Variants in LRPPRC observed in about 807,000 individuals in gnomAD.
The protein encoded by LRPPRC is leucine-rich PPR motif-containing protein, mitochondrial.
LRPPRC carries 120 observed loss-of-function variants against 180.3 expected under a neutral mutation model. The ratio of observed to expected loss-of-function variants is 0.67; its 90% confidence interval spans 0.57 to 0.77. LRPPRC has a LOEUF of 0.77. Among genes scored for constraint, LRPPRC ranks in the 30% least tolerant of loss-of-function variants. The pLI is 0.00. For missense variants in LRPPRC, 2,012 were observed against 1,657.2 expected (o/e 1.21, Z -3.72); for synonymous variants, 723 against 600.0 (o/e 1.21, Z -3.00).
At chr2:43,919,610 A>C (rs1004973812) in intron 27 of LRPPRC, among the ~76,000 whole-genome samples, 1 of 152,202 alleles carries the variant, frequency 6.6e-6, no homozygotes, top group African/African-American at 2.4e-5. Flanking sequence ...TAGTCTTTAC[A>C]AATAGCAAAA....
chr2:43,992,144 G>T (rs1398667909), intron 1 of LRPPRC, among the ~76,000 whole-genome samples: 1 of 152,188 alleles, frequency 6.6e-6, no homozygotes, highest in African/African-American at 2.4e-5. Flanking sequence ...CAAGAAAGGA[G>T]CCAGTCAAAT....
intron 2 of LRPPRC, among the ~76,000 whole-genome samples, chr2:43,981,603 G>C (rs1394413153): frequency 6.6e-6 from 1 of 151,614 alleles, no homozygotes; most frequent in Non-Finnish European, 1.5e-5. Flanking sequence ...GTTGCAGTGA[G>C]CCGAGATCGT....
At chr2:43,932,314 C>T (rs1288129032) in intron 25 of LRPPRC, among the ~76,000 whole-genome samples, 1 of 151,878 alleles carries the variant, frequency 6.6e-6, no homozygotes, top group African/African-American at 2.4e-5. Flanking sequence ...TAATTATTTC[C>T]ACAACGCTTC....
At chr2:43,968,119 A>G (rs1673640008) in intron 11 of LRPPRC, among the ~76,000 whole-genome samples, 1 of 151,666 alleles carries the variant, frequency 6.6e-6, no homozygotes, top group African/African-American at 2.4e-5. Context: ...AAGGCTTTGG[A>G]CTTTAAAGAC....
chr2:43,973,479 A>G (rs1673907928), intron 11 of LRPPRC, 128 bp downstream of exon 11: 7 of 722,796 alleles, frequency 9.7e-6, no homozygotes, highest in Non-Finnish European at 1.8e-5. Flanking sequence ...TGATGACTTA[A>G]AACAATTCCA....
chr2:43,916,524 T>C (rs549357733), intron 29 of LRPPRC, among the ~76,000 whole-genome samples: 2 of 152,350 alleles, frequency 1.3e-5, no homozygotes, highest in African/African-American at 4.8e-5. Flanking sequence ...TAGTAATTAA[T>C]GCCTTAATCA....
intron 23 of LRPPRC, 95 bp downstream of exon 23, chr2:43,943,591 TC>T (rs1383002965): frequency 2.0e-6 from 2 of 1,015,830 alleles, no homozygotes; most frequent in African/African-American, 3.2e-5. Flanking sequence ...CTCCAAGGCT[TC>T]CCCATCATGA....
At chr2:43,984,984 GTT>G (rs1267330666) in intron 1 of LRPPRC, among the ~76,000 whole-genome samples, 1 of 148,868 alleles carries the variant, frequency 6.7e-6, no homozygotes, top group Non-Finnish European at 1.5e-5. Context: ...TTATCTCTCA[GTT>G]TTTTTAAAAA....
chr2:43,948,761 T>A (rs988631377), intron 16 of LRPPRC, among the ~76,000 whole-genome samples: 3 of 152,122 alleles, frequency 2.0e-5, no homozygotes, highest in Non-Finnish European at 4.4e-5. Context: ...GAATCTTACT[T>A]CAATCTATTT....
chr2:43,920,057 T>G (rs1267026497), intron 27 of LRPPRC, among the ~76,000 whole-genome samples: 1 of 147,574 alleles, frequency 6.8e-6, no homozygotes, highest in Non-Finnish European at 1.5e-5. Flanking sequence ...GCATACTCAT[T>G]CTTCATGGGA....
intron 25 of LRPPRC, among the ~76,000 whole-genome samples, chr2:43,932,956 C>A (rs372816409): frequency 2.4e-4 from 36 of 152,328 alleles, no homozygotes; most frequent in African/African-American, 6.0e-4. Context: ...TGATCAGTGA[C>A]CTGCTAATAC....
At chr2:43,942,789 C>G (rs1270428444) in intron 23 of LRPPRC, among the ~76,000 whole-genome samples, 1 of 152,234 alleles carries the variant, frequency 6.6e-6, no homozygotes, top group East Asian at 1.9e-4. Context: ...GCGTTTCAGT[C>G]AAATTCAGCT....
Position 43,960,529 on chromosome 2 carries a change from T to G in LRPPRC, c.1582+12A>C, listed in dbSNP as rs371686948. On this transcript the variant is annotated intron_variant, in intron 13 of 37. Transcript: ENST00000260665. Reference sequence around the variant, plus strand: ...ACATCTATCAAGTTTACCGCTAATGTTGTATACTTACAAAATGATAATACA... The same window carrying G: ...ACATCTATCAAGTTTACCGCTAATGGTGTATACTTACAAAATGATAATACA... 1.1e-5 allele frequency: 15 copies of G among 1,387,164 alleles called. No homozygotes were observed. Among genetic ancestry groups the G allele is most frequent in the Non-Finnish European group, 1.4e-5 (14 of 975,046 alleles). The allele number at this position is 1,387,164 out of a possible 1,614,324, so 85.9% of individuals were successfully genotyped here.
rs1366723457 is a variant in LRPPRC, at chr2:43,901,342, T to C, written c.3547A>G (p.Ile1183Val). 8 of 1,613,766 alleles carry C rather than the reference T, an allele frequency of 5.0e-6. No individual in the cohort carries two copies. The highest frequency in any genetic ancestry group is 4.2e-6 in the Non-Finnish European group (5 of 1,179,740). The change falls in exon 32 of 38, where the codon ATT becomes GTT. Residue 1183 changes from isoleucine (I) to valine (V), a missense_variant. Transcript: ENST00000260665. ...GLSKMVFINN[I>V]ALAQIKNNNI... ...CACTTCTTTATTTGAGCCAAAGCAA[T>C]GTTATTGATGAAAACCATTTTTGAA... is the stretch of plus-strand genomic sequence containing the variant.
chr2:43,982,421 G>C lies in LRPPRC; in HGVS notation c.163C>G (p.Pro55Ala). 6.2e-7 allele frequency: 1 copy of C among 1,612,558 alleles called. No homozygotes were observed. Among genetic ancestry groups the C allele is most frequent in the South Asian group, 1.1e-5 (1 of 91,004 alleles). The change falls in exon 2 of 38, where the codon CCA becomes GCA. Residue 55 changes from proline (P) to alanine (A), a missense_variant. Coordinates refer to ENST00000260665, the MANE Select transcript of LRPPRC (RefSeq NM_133259.4). ...GCAGCAATGGCATACAGCCTGGCTG[G>C]GCTCAGTAGTCCTCTAAAAAATGAA... Reference protein sequence around the residue: ...AGPVAGGLLSPARLYAIAAKE... With the variant: ...AGPVAGGLLSAARLYAIAAKE...
At chr2:43,924,543 T>C (rs1489995361) in intron 27 of LRPPRC, among the ~76,000 whole-genome samples, 1 of 152,194 alleles carries the variant, frequency 6.6e-6, no homozygotes, top group Non-Finnish European at 1.5e-5. Context: ...ATCTATGTAG[T>C]ATATAAGTTA....
At chr2:43,928,547 T>C (rs758352858) in intron 25 of LRPPRC, among the ~76,000 whole-genome samples, 4 of 151,938 alleles carry the variant, frequency 2.6e-5, no homozygotes, top group Non-Finnish European at 4.4e-5. Context: ...GTTAACATAG[T>C]AGGAGGAAAA....
intron 1 of LRPPRC, among the ~76,000 whole-genome samples, chr2:43,993,535 TA>T (rs1674879950): frequency 6.6e-6 from 1 of 151,862 alleles, no homozygotes; most frequent in African/African-American, 2.4e-5. Flanking sequence ...ACTTCTAGAG[TA>T]AACAGAGTTC....
intron 12 of LRPPRC, 47 bp from the exon 13 acceptor site, chr2:43,960,681 A>G: frequency 1.1e-6 from 1 of 900,184 alleles, no homozygotes; most frequent in Non-Finnish European, 1.9e-6. Flanking sequence ...AGCTAACAAT[A>G]TTTTGATAAG....
Sources: allele counts gnomAD v4.1 joint callset (sites outside exome capture counted in the v4.1 genomes callset), GRCh38; gene constraint gnomAD v4.1.1; transcripts MANE v1.5; gene names NCBI Gene and HGNC (gene_info 2026-07-23, HGNC 2026-07-21).